Variants in ANXA8 observed in about 807,000 individuals in gnomAD.
ANXA8 encodes the protein annexin A8.
Under a neutral mutation model 26.8 loss-of-function variants are expected in ANXA8, and 9 were observed. That is an observed-to-expected ratio of 0.34 (90% CI 0.20 to 0.59). ANXA8 has a LOEUF of 0.59. Among genes scored for constraint, ANXA8 ranks in the 20% least tolerant of loss-of-function variants. The pLI, the probability that ANXA8 is intolerant of heterozygous loss-of-function variation, is 0.84. For synonymous variants in ANXA8, 39 were observed against 94.8 expected (o/e 0.41, Z 3.42); for missense variants, 83 against 238.5 (o/e 0.35, Z 4.29).
the ANXA8 span, chr10:47,696,280 A>G: frequency 2.4e-6 from 1 of 410,360 alleles, no homozygotes; most frequent in Admixed American, 4.3e-5. Context: ...AGGTTATTTA[A>G]CCTATTTGAT....
the ANXA8 span, among the ~76,000 whole-genome samples, chr10:47,989,717 C>T: frequency 6.4e-5 from 6 of 94,278 alleles, 1 homozygote; most frequent in African/African-American, 1.3e-4. Context: ...GTGACAGGCA[C>T]AGGGGAGCTG....
At chr10:47,527,958 G>A in the ANXA8 span, among the ~76,000 whole-genome samples, 1 of 148,000 alleles carries the variant, frequency 6.8e-6, no homozygotes, top group Non-Finnish European at 1.5e-5. Context: ...CCGGATCAGG[G>A]ACAGATTAGC....
the ANXA8 span, among the ~76,000 whole-genome samples, chr10:47,631,114 T>C: frequency 1.3e-5 from 2 of 150,190 alleles, no homozygotes; most frequent in Non-Finnish European, 2.9e-5. Flanking sequence ...TTTTTAATCA[T>C]TGAAATTCAC....
chr10:47,954,649 A>G, the ANXA8 span, among the ~76,000 whole-genome samples: 2 of 151,318 alleles, frequency 1.3e-5, no homozygotes, highest in Non-Finnish European at 2.9e-5. Flanking sequence ...CTGTATCAAA[A>G]CACCTCATGT....
chr10:47,650,488 A>G, the ANXA8 span, among the ~76,000 whole-genome samples: 2 of 151,992 alleles, frequency 1.3e-5, no homozygotes, highest in East Asian at 3.9e-4. Flanking sequence ...ACAGCTCCAT[A>G]AGAAAAAAGC....
chr10:47,645,958 T>C, the ANXA8 span, among the ~76,000 whole-genome samples: 1 of 149,038 alleles, frequency 6.7e-6, no homozygotes, highest in Non-Finnish European at 1.5e-5. Context: ...GCCTCCATCA[T>C]GCAGGCAGGA....
At chr10:47,679,687 G>C in the ANXA8 span, among the ~76,000 whole-genome samples, 1 of 151,608 alleles carries the variant, frequency 6.6e-6, no homozygotes, top group African/African-American at 2.4e-5. Flanking sequence ...GGGAGGTCAA[G>C]GTAGGATGAT....
chr10:47,697,841 C>T, the ANXA8 span, among the ~76,000 whole-genome samples: 1 of 104,862 alleles, frequency 9.5e-6, no homozygotes, highest in East Asian at 2.6e-4. Flanking sequence ...ATGAAACAGA[C>T]ATATAAGTAA....
At chr10:47,954,923 G>A in the ANXA8 span, among the ~76,000 whole-genome samples, 1 of 150,714 alleles carries the variant, frequency 6.6e-6, no homozygotes, top group African/African-American at 2.4e-5. Flanking sequence ...ACATGACAAG[G>A]AGAATGGAGC....
chr10:47,525,725 T>A, the ANXA8 span, among the ~76,000 whole-genome samples: 1 of 134,362 alleles, frequency 7.4e-6, no homozygotes, highest in African/African-American at 2.8e-5. Flanking sequence ...TCAGATTGTG[T>A]CTTGTAGATG....
chr10:47,744,411 T>A, the ANXA8 span, among the ~76,000 whole-genome samples: 1 of 7,234 alleles, frequency 1.4e-4, no homozygotes, highest in Non-Finnish European at 2.5e-4. Context: ...AGGCTCCTGG[T>A]GGGGGGGGGG....
the ANXA8 span, among the ~76,000 whole-genome samples, chr10:47,595,755 C>T: frequency 2.4e-3 from 354 of 149,012 alleles, 24 homozygotes; most frequent in East Asian, 0.056. Flanking sequence ...TGGAGCATCA[C>T]GATACATAAA....
At chr10:47,678,792 G>A in the ANXA8 span, among the ~76,000 whole-genome samples, 2 of 150,664 alleles carry the variant, frequency 1.3e-5, no homozygotes, top group Admixed American at 6.6e-5. Context: ...TGTAATCCTA[G>A]CACTTTGGGG....
At chr10:47,655,481 A>G in the ANXA8 span, among the ~76,000 whole-genome samples, 2 of 151,016 alleles carry the variant, frequency 1.3e-5, no homozygotes, top group Non-Finnish European at 3.0e-5. Flanking sequence ...AAGATATTTC[A>G]GTAGCGAGAG....
chr10:47,982,657 A>C, the ANXA8 span, among the ~76,000 whole-genome samples: 2 of 146,964 alleles, frequency 1.4e-5, no homozygotes, highest in East Asian at 4.0e-4. Flanking sequence ...TAAAAGGATT[A>C]TTAGATATAA....
At chr10:47,779,093 T>C in the ANXA8 span, among the ~76,000 whole-genome samples, 8 of 149,138 alleles carry the variant, frequency 5.4e-5, no homozygotes, top group African/African-American at 2.0e-4. Flanking sequence ...CAATAGTTTT[T>C]TTTTTTAGGT....
upstream of ANXA8, among the ~76,000 whole-genome samples, chr10:47,486,209 T>C (rs1273580481): frequency 3.3e-5 from 5 of 151,608 alleles, no homozygotes; most frequent in African/African-American, 9.7e-5. Context: ...GCTTATCTGA[T>C]CTCTGCGAGA....
the ANXA8 span, among the ~76,000 whole-genome samples, chr10:47,580,806 G>A: frequency 6.7e-6 from 1 of 149,892 alleles, no homozygotes; most frequent in Non-Finnish European, 1.5e-5. Flanking sequence ...CAGGCTTGGT[G>A]GCTCATGCCT....
chr10:47,772,244 C>G, the ANXA8 span, among the ~76,000 whole-genome samples: 3 of 151,798 alleles, frequency 2.0e-5, no homozygotes, highest in African/African-American at 7.3e-5. Flanking sequence ...ACATCATCAT[C>G]TAAGATCCAG....
Sources: gnomAD v4.1 joint callset for allele counts (sites outside exome capture counted in the v4.1 genomes callset) on GRCh38, gnomAD v4.1.1 for gene constraint, MANE v1.5 for transcripts, NCBI Gene and HGNC (gene_info 2026-07-23, HGNC 2026-07-21) for gene names.